Variants in ZNF423 observed in about 807,000 individuals in gnomAD.
ZNF423 encodes zinc finger protein 423.
A neutral mutation model predicts 95.8 loss-of-function variants in ZNF423; 12 were observed. The ratio of observed to expected loss-of-function variants is 0.13; its 90% confidence interval spans 0.08 to 0.20. The LOEUF is 0.20. Ranked by LOEUF, ZNF423 falls within the 10% of genes least tolerant of loss-of-function variation. The pLI, the probability that ZNF423 is intolerant of heterozygous loss-of-function variation, is 1.00. For missense variants in ZNF423, 1,316 were observed against 1,737.1 expected (o/e 0.76, Z 4.31); for synonymous variants, 749 against 711.9 (o/e 1.05, Z -0.83).
intron 5 of ZNF423, among the ~76,000 whole-genome samples, chr16:49,601,262 G>A (rs1378499949): frequency 6.6e-6 from 1 of 152,180 alleles, no homozygotes; most frequent in Non-Finnish European, 1.5e-5. Flanking sequence ...TCCTGGCTCT[G>A]ACATCCGCTG....
intron 2 of ZNF423, among the ~76,000 whole-genome samples, chr16:49,767,693 C>T (rs2033954270): frequency 6.6e-6 from 1 of 152,178 alleles, no homozygotes; most frequent in South Asian, 2.1e-4. Flanking sequence ...AGTCAGACCC[C>T]ACCAGGCACC....
At chr16:49,668,008 C>T (rs189862386) in intron 3 of ZNF423, among the ~76,000 whole-genome samples, 16 of 152,272 alleles carry the variant, frequency 1.1e-4, no homozygotes, top group Middle Eastern at 3.4e-3. Flanking sequence ...TGCCCAGCCC[C>T]GCTCCACCTT....
At chr16:49,810,751 C>T (rs1308217206) in intron 1 of ZNF423, among the ~76,000 whole-genome samples, 1 of 152,198 alleles carries the variant, frequency 6.6e-6, no homozygotes, top group East Asian at 1.9e-4. Context: ...ACCTATAATG[C>T]CCCTCTCGGA....
intron 5 of ZNF423, among the ~76,000 whole-genome samples, chr16:49,606,270 G>A (rs1051213091): frequency 6.6e-6 from 1 of 151,750 alleles, no homozygotes; most frequent in African/African-American, 2.4e-5. Flanking sequence ...CCCACCGACA[G>A]CAGAAGGGGC....
At chr16:49,702,909 G>GCA (rs66522223) in intron 3 of ZNF423, among the ~76,000 whole-genome samples, 9,009 of 147,562 alleles carry the variant, frequency 0.061, 258 homozygotes, top group Middle Eastern at 0.083. Flanking sequence ...GTGTGCACAC[G>GCA]CACACACACA....
chr16:49,584,973 C>T (rs1211424106), intron 5 of ZNF423, among the ~76,000 whole-genome samples: 2 of 152,166 alleles, frequency 1.3e-5, no homozygotes, highest in South Asian at 2.1e-4. Flanking sequence ...GCCTCCTCCC[C>T]GGCACTCACT....
chr16:49,854,118 T>C, intron 1 of ZNF423: 1 of 985,314 alleles, frequency 1.0e-6, no homozygotes, highest in Non-Finnish European at 1.2e-6. Flanking sequence ...GGAGTCTCTC[T>C]TCTGGTTTCC....
chr16:49,494,011 G>C lies in ZNF423; in HGVS notation c.3850-2707C>G, dbSNP rs577115056. Among the ~76,000 whole-genome samples, 15 of 152,306 alleles carry C rather than the reference G, an allele frequency of 9.8e-5. No homozygotes were observed. The South Asian group carries it at 3.1e-3, about 32-fold the overall frequency. ...CACCCACTACCAACATGGGCACAGG[G>C]GGTGTCTGGGATCTCTGGAGAATGA... is the stretch of plus-strand genomic sequence containing the variant. On this transcript the variant is annotated intron_variant, in intron 7 of 7. Coordinates refer to ENST00000563137, the MANE Select transcript of ZNF423 (RefSeq NM_001379286.1).
chr16:49,629,304 T>C (rs1972413648), intron 4 of ZNF423, among the ~76,000 whole-genome samples: 1 of 152,264 alleles, frequency 6.6e-6, no homozygotes. Context: ...CTCTACCTTT[T>C]GATTGAAATT....
chr16:49,603,360 C>T lies in ZNF423; in HGVS notation c.3601+22810G>A, dbSNP rs1270284595. ...GTAATACATGCAGTCACACAGGTTC[C>T]TGAATTTAGAAAAGCCCAGCATATG... On this transcript the variant is annotated intron_variant, in intron 5 of 7. Coordinates refer to ENST00000563137, the MANE Select transcript of ZNF423 (RefSeq NM_001379286.1). The surrounding 1 kb of genome is among the most constrained non-coding windows in gnomAD (Gnocchi z 4.1). 6.6e-6 allele frequency among the ~76,000 whole-genome samples: 1 copy of T among 152,168 alleles called. No individual in the cohort carries two copies. Among genetic ancestry groups the T allele is most frequent in the Non-Finnish European group, 1.5e-5 (1 of 68,044 alleles).
chr16:49,608,948 A>C (rs716629), intron 5 of ZNF423, among the ~76,000 whole-genome samples: 33,191 of 152,066 alleles, frequency 0.22, 3,913 homozygotes, highest in South Asian at 0.39. Context: ...GAGAAACCCT[A>C]GCAGGGAGCC....
chr16:49,855,102 T>A lies in ZNF423; in HGVS notation c.40+633A>T. The A allele has an allele frequency of 1.1e-6, 1 of 940,768 alleles. No individual in the cohort carries two copies. The highest frequency in any genetic ancestry group is 1.3e-6 in the Non-Finnish European group (1 of 791,520). The allele number at this position is 940,768 out of a possible 1,614,324, so 58.3% of individuals were successfully genotyped here. ...GGGCCTCGGTGGAGGAGGCAGGAAGTGCAGGGGCCCGGGCCGGGAGAAGGC... is the reference window on the plus strand; with the variant it reads ...GGGCCTCGGTGGAGGAGGCAGGAAGAGCAGGGGCCCGGGCCGGGAGAAGGC... On this transcript the variant is annotated intron_variant, in intron 1 of 7. Coordinates refer to ENST00000563137, the MANE Select transcript of ZNF423 (RefSeq NM_001379286.1). This position sits in a 1 kb window ranked among gnomAD's most constrained non-coding sequence, Gnocchi z 4.7.
At chr16:49,621,504 C>T (rs1324143926) in intron 5 of ZNF423, among the ~76,000 whole-genome samples, 1 of 152,166 alleles carries the variant, frequency 6.6e-6, no homozygotes, top group Non-Finnish European at 1.5e-5. Context: ...ATAAAAAGGC[C>T]GGTTTACCGC....
chr16:49,524,864 G>A (rs1276190560), intron 6 of ZNF423, among the ~76,000 whole-genome samples: 18 of 152,142 alleles, frequency 1.2e-4, no homozygotes, highest in Non-Finnish European at 2.4e-4. Flanking sequence ...CGCCTGGGCC[G>A]GCAGCCAGTC....
chr16:49,561,198 A>G (rs958094787), intron 5 of ZNF423, among the ~76,000 whole-genome samples: 2 of 152,230 alleles, frequency 1.3e-5, no homozygotes, highest in African/African-American at 4.8e-5. Context: ...CTCCAGATTC[A>G]GCGAAATGAT....
In ZNF423 at chr16:49,717,724, G is replaced by A. The variant is rs532054810; in HGVS notation, c.301+13047C>T. 9.2e-5 allele frequency among the ~76,000 whole-genome samples: 14 copies of A among 152,246 alleles called. 1 individual carries two copies. The highest frequency in any genetic ancestry group is 8.3e-4 in the South Asian group (4 of 4,810). On this transcript the variant is annotated intron_variant, in intron 3 of 7. Coordinates refer to ENST00000563137, the MANE Select transcript of ZNF423 (RefSeq NM_001379286.1). ...AGGATTTGGTTGTCTGACACTGGTCGGCAGGGAATCCCAACCTTCCAACTT... is the reference window on the plus strand; with the variant it reads ...AGGATTTGGTTGTCTGACACTGGTCAGCAGGGAATCCCAACCTTCCAACTT...
chr16:49,555,992 A>AG (rs927853438), intron 5 of ZNF423, among the ~76,000 whole-genome samples: 7 of 152,162 alleles, frequency 4.6e-5, no homozygotes, highest in Non-Finnish European at 1.0e-4. Context: ...ATGATCCACA[A>AG]GGCTGCTCCC....
intron 5 of ZNF423, among the ~76,000 whole-genome samples, chr16:49,619,126 G>A (rs759371765): frequency 4.2e-4 from 64 of 152,056 alleles, no homozygotes; most frequent in Non-Finnish European, 8.1e-4. Context: ...CCCTGATTAG[G>A]TGTAACCTCT....
chr16:49,696,779 G>A (rs2031991164), intron 3 of ZNF423, among the ~76,000 whole-genome samples: 1 of 152,170 alleles, frequency 6.6e-6, no homozygotes, highest in South Asian at 2.1e-4. Flanking sequence ...CACCCAGGGT[G>A]GAAGGTTAAT....
Sources: allele counts gnomAD v4.1 joint callset (sites outside exome capture counted in the v4.1 genomes callset), GRCh38; gene constraint gnomAD v4.1.1; non-coding constraint Gnocchi (gnomAD v3.1); transcripts MANE v1.5; gene names NCBI Gene and HGNC (gene_info 2026-07-23, HGNC 2026-07-21).